KCNK9: variants seen among roughly 807,000 people sequenced by gnomAD.
The protein encoded by KCNK9 is potassium two pore domain channel subfamily K member 9.
A neutral mutation model predicts 10.8 loss-of-function variants in KCNK9; 1 was observed. The observed-to-expected ratio is 0.09, with a 90% CI of 0.03 to 0.44. KCNK9 has a LOEUF of 0.44. Among genes scored for constraint, KCNK9 ranks in the 20% least tolerant of loss-of-function variants. The pLI, the probability that KCNK9 is intolerant of heterozygous loss-of-function variation, is 0.97. For missense variants in KCNK9, 303 were observed against 515.0 expected (o/e 0.59, Z 3.98); for synonymous variants, 231 against 222.7 (o/e 1.04, Z -0.33).
intron 1 of KCNK9, among the ~76,000 whole-genome samples, chr8:139,627,362 T>C (rs1156581897): frequency 6.6e-6 from 1 of 152,164 alleles, no homozygotes; most frequent in East Asian, 1.9e-4. Flanking sequence ...GGAACAGTAC[T>C]TTGTAGGCAC....
intron 1 of KCNK9, among the ~76,000 whole-genome samples, chr8:139,627,231 A>G (rs1262432910): frequency 6.6e-6 from 1 of 152,114 alleles, no homozygotes; most frequent in East Asian, 1.9e-4. Context: ...TTCCCAACTC[A>G]TTCTCTCATG....
chr8:139,697,011 G>T (rs954973363), intron 1 of KCNK9, among the ~76,000 whole-genome samples: 1 of 151,406 alleles, frequency 6.6e-6, no homozygotes, highest in South Asian at 2.1e-4. Flanking sequence ...ATGGGTGGAC[G>T]GATGGATGGT....
At chr8:139,687,504 ATATATG>A (rs1816829951) in intron 1 of KCNK9, among the ~76,000 whole-genome samples, 1 of 47,890 alleles carries the variant, frequency 2.1e-5, no homozygotes, top group African/African-American at 6.3e-5. Context: ...ATATATACAT[ATATATG>A]TATACACATA....
rs763151735 is a variant in KCNK9 at position 139,618,022 on chromosome 8, C to T, written c.*236G>A. ...CTGGGAAGGAAGGAGGAGATCCATG[C>T]TTCATGCTCAGATGTGAGTTTCAGA... On this transcript the variant is annotated 3_prime_UTR_variant, in exon 2 of 2. Transcript: ENST00000520439. This position sits in a 1 kb window ranked among gnomAD's most constrained non-coding sequence, Gnocchi z 7.9. 6 of 545,828 alleles carry T rather than the reference C, an allele frequency of 1.1e-5. No homozygotes were observed. The highest frequency in any genetic ancestry group is 1.9e-5 in the Non-Finnish European group (6 of 310,294). 33.8% of individuals were successfully genotyped at this position (545,828 alleles called of 1,614,324 possible).
chr8:139,629,707 C>T (rs1815100760), intron 1 of KCNK9, among the ~76,000 whole-genome samples: 1 of 152,042 alleles, frequency 6.6e-6, no homozygotes, highest in Admixed American at 6.5e-5. Context: ...CTGGTGGGGG[C>T]TCTCCGGGGC....
At chr8:139,696,700 T>TGGAC (rs1482632401) in intron 1 of KCNK9, among the ~76,000 whole-genome samples, 3 of 129,550 alleles carry the variant, frequency 2.3e-5, no homozygotes, top group Non-Finnish European at 5.5e-5. Context: ...GATAAATGGA[T>TGGAC]GGATGGATGG....
At chr8:139,629,564 T>C (rs1815095970) in intron 1 of KCNK9, among the ~76,000 whole-genome samples, 1 of 152,148 alleles carries the variant, frequency 6.6e-6, no homozygotes, top group East Asian at 1.9e-4. Context: ...CAGATAAACC[T>C]TAGTCAGCTC....
chr8:139,618,082 T>G lies in KCNK9; in HGVS notation c.*176A>C. 1.2e-6 allele frequency: 1 copy of G among 835,596 alleles called. No individual in the cohort carries two copies. The highest frequency in any genetic ancestry group is 1.8e-6 in the Non-Finnish European group (1 of 542,474). 51.8% of individuals were successfully genotyped at this position (835,596 alleles called of 1,614,324 possible). A position where few individuals can be genotyped will look rare whatever the true frequency, so the allele number is the denominator to read the frequency against. Reference sequence around the variant, plus strand: ...GCCTGTATTTCCCTTTGGCCTGCTCTGTCTGGCTGGAAAGGTGGGGGAAAA... The same window carrying G: ...GCCTGTATTTCCCTTTGGCCTGCTCGGTCTGGCTGGAAAGGTGGGGGAAAA... On this transcript the variant is annotated 3_prime_UTR_variant, in exon 2 of 2. Coordinates refer to ENST00000520439, the MANE Select transcript of KCNK9 (RefSeq NM_001282534.2). The surrounding 1 kb of genome is among the most constrained non-coding windows in gnomAD (Gnocchi z 7.9).
intron 1 of KCNK9, among the ~76,000 whole-genome samples, chr8:139,648,219 T>C (rs568444715): frequency 7.7e-4 from 117 of 152,054 alleles, no homozygotes; most frequent in African/African-American, 2.7e-3. Context: ...CCTAGGCAAA[T>C]CCACAGAGAC....
At chr8:139,634,384 T>G (rs1815274024) in intron 1 of KCNK9, among the ~76,000 whole-genome samples, 1 of 152,102 alleles carries the variant, frequency 6.6e-6, no homozygotes, top group African/African-American at 2.4e-5. Flanking sequence ...TGGGCCATGG[T>G]GCCCCACAGC....
downstream of KCNK9, among the ~76,000 whole-genome samples, chr8:139,616,228 A>G (rs1276207017): frequency 6.6e-6 from 1 of 152,226 alleles, no homozygotes; most frequent in African/African-American, 2.4e-5. Flanking sequence ...CATTCTGCAA[A>G]TGCATTAGGG....
chr8:139,649,859 C>T (rs564774403), intron 1 of KCNK9, among the ~76,000 whole-genome samples: 7 of 152,286 alleles, frequency 4.6e-5, no homozygotes, highest in East Asian at 3.9e-4. Flanking sequence ...TGGTACTGTC[C>T]GAAAGGCAAT....
At chr8:139,687,772 A>G (rs1443283281) in intron 1 of KCNK9, among the ~76,000 whole-genome samples, 7 of 150,836 alleles carry the variant, frequency 4.6e-5, no homozygotes, top group African/African-American at 1.7e-4. Flanking sequence ...AGCTTCAGCA[A>G]TTAACAACTC....
At chr8:139,677,095 C>A (rs1018537948) in intron 1 of KCNK9, among the ~76,000 whole-genome samples, 2 of 152,136 alleles carry the variant, frequency 1.3e-5, no homozygotes, top group African/African-American at 4.8e-5. Context: ...TGCACCTCCC[C>A]CAAAGGCAGC....
intron 1 of KCNK9, among the ~76,000 whole-genome samples, chr8:139,663,754 G>T (rs541445852): frequency 6.6e-6 from 1 of 152,092 alleles, no homozygotes; most frequent in East Asian, 1.9e-4. Flanking sequence ...CGCTGCAACC[G>T]CCTGAGAGAC....
chr8:139,611,129 C>G (rs542783259), downstream of KCNK9, among the ~76,000 whole-genome samples: 113 of 152,336 alleles, frequency 7.4e-4, no homozygotes, highest in African/African-American at 2.5e-3. Flanking sequence ...CCCAGAGTAA[C>G]TTCCTCTGGG....
intron 1 of KCNK9, among the ~76,000 whole-genome samples, chr8:139,620,486 G>A (rs1191698995): frequency 1.3e-5 from 2 of 152,012 alleles, no homozygotes; most frequent in Non-Finnish European, 2.9e-5. Context: ...ACACAGTAGG[G>A]ACCTACCAGA....
At chr8:139,621,916 T>G (rs1038943379) in intron 1 of KCNK9, among the ~76,000 whole-genome samples, 2 of 152,240 alleles carry the variant, frequency 1.3e-5, no homozygotes, top group Non-Finnish European at 2.9e-5. Context: ...ATATATTTAC[T>G]GGAAGAAATC....
At chr8:139,700,234 A>T (rs1001952730) in intron 1 of KCNK9, among the ~76,000 whole-genome samples, 23 of 152,190 alleles carry the variant, frequency 1.5e-4, no homozygotes, top group African/African-American at 5.1e-4. Context: ...TGCCGGCCAC[A>T]CTGTGCCTGG....
Sources: allele counts gnomAD v4.1 joint callset (sites outside exome capture counted in the v4.1 genomes callset), GRCh38; gene constraint gnomAD v4.1.1; non-coding constraint Gnocchi (gnomAD v3.1); transcripts MANE v1.5; gene names NCBI Gene and HGNC (gene_info 2026-07-23, HGNC 2026-07-21).